ACVR1: variants seen among roughly 807,000 people sequenced by gnomAD.
ACVR1 encodes the protein activin A receptor type 1, also known as activin receptor type-1.
ACVR1 carries 38 observed loss-of-function variants against 57.1 expected under a neutral mutation model. That is an observed-to-expected ratio of 0.67 (90% CI 0.51 to 0.87). The LOEUF (loss-of-function observed/expected upper bound fraction) is 0.87, where lower values mean the gene tolerates loss of function less well. Ranked by LOEUF, ACVR1 falls within the 40% of genes least tolerant of loss-of-function variation. The probability of loss-of-function intolerance (pLI) is 0.00; values close to 1 mark genes in which losing one functional copy is unlikely to be tolerated. For missense variants in ACVR1, 463 were observed against 638.2 expected (o/e 0.73, Z 2.96); for synonymous variants, 212 against 228.1 (o/e 0.93, Z 0.63).
chr2:157,755,846 T>C (rs4635482), intron 9 of ACVR1, among the ~76,000 whole-genome samples: 5,300 of 151,886 alleles, frequency 0.035, 269 homozygotes, highest in African/African-American at 0.12. Flanking sequence ...AAAAAGAGCC[T>C]GCATAGCCAA....
intron 1 of ACVR1, chr2:157,860,193 A>C (rs1689674818): frequency 6.6e-6 from 1 of 152,208 alleles, no homozygotes; most frequent in African/African-American, 2.4e-5. Context: ...AAGAAAATAA[A>C]GCAAATAGTA....
intron 5 of ACVR1, 116 bp downstream of exon 5, chr2:157,778,015 G>T: frequency 1.8e-6 from 2 of 1,093,354 alleles, no homozygotes; most frequent in Non-Finnish European, 2.8e-6. Context: ...GTAACCAACA[G>T]CATGTGTGTA....
At chr2:157,852,390 G>A (rs1030167776) in intron 1 of ACVR1, among the ~76,000 whole-genome samples, 1 of 151,764 alleles carries the variant, frequency 6.6e-6, no homozygotes, top group East Asian at 1.9e-4. Context: ...CCCAGCTATA[G>A]GGAGGCTGAT....
intron 4 of ACVR1, among the ~76,000 whole-genome samples, chr2:157,779,161 CA>C (rs536914530): frequency 0.085 from 12,494 of 146,632 alleles, 1,731 homozygotes; most frequent in African/African-American, 0.29. Context: ...TCCTTAAATT[CA>C]AAAAAAAAAA....
In ACVR1 at chr2:157,778,190, C is replaced by T. The variant is rs201452185; in HGVS notation, c.484G>A (p.Val162Met). The change falls in exon 5 of 11, where the codon GTG becomes ATG. Residue 162 changes from valine (V) to methionine (M), a missense_variant. Transcript: ENST00000434821. ...AGCCCTTCGATAGTGCCATACTCCA[C>T]GTCTCGGGGATTGAGGCGTTCTTGG... ...RNQERLNPRD[V>M]EYGTIEGLIT... The T allele has an allele frequency of 1.1e-4, 178 of 1,613,824 alleles. No homozygotes were observed. The highest frequency in any genetic ancestry group is 1.5e-4 in the Non-Finnish European group (172 of 1,179,966).
At chr2:157,768,603 T>A (rs1685961186) in intron 7 of ACVR1, among the ~76,000 whole-genome samples, 1 of 152,214 alleles carries the variant, frequency 6.6e-6, no homozygotes, top group African/African-American at 2.4e-5. Flanking sequence ...GGAAAAAAAT[T>A]ACTTTTAAAT....
At chr2:157,870,208 A>G (rs1690072110) in intron 1 of ACVR1, among the ~76,000 whole-genome samples, 1 of 152,042 alleles carries the variant, frequency 6.6e-6, no homozygotes, top group South Asian at 2.1e-4. Context: ...CTAATATCCA[A>G]CTTTGCCCAA....
chr2:157,752,423 C>A (rs776213296), intron 9 of ACVR1, among the ~76,000 whole-genome samples: 10 of 152,184 alleles, frequency 6.6e-5, no homozygotes, highest in Non-Finnish European at 1.5e-4. Context: ...CCAAAAATCA[C>A]ACTAGCTCAC....
At chr2:157,868,340 A>T (rs538567910) in intron 1 of ACVR1, among the ~76,000 whole-genome samples, 7 of 151,904 alleles carry the variant, frequency 4.6e-5, no homozygotes, top group African/African-American at 1.7e-4. Context: ...AAAAAAAAAT[A>T]GCTGGGCATG....
At chr2:157,749,391 C>A (rs1343452366) in intron 9 of ACVR1, among the ~76,000 whole-genome samples, 1 of 152,148 alleles carries the variant, frequency 6.6e-6, no homozygotes, top group Non-Finnish European at 1.5e-5. Flanking sequence ...TCAACATAGG[C>A]CATCTATCCA....
chr2:157,747,988 T>C (rs1685037556), intron 9 of ACVR1, among the ~76,000 whole-genome samples: 1 of 152,140 alleles, frequency 6.6e-6, no homozygotes, highest in African/African-American at 2.4e-5. Flanking sequence ...AAGGGAGAGA[T>C]CAATAAATTA....
At chr2:157,757,006 G>GATATATATATATTTGATATATAT (rs1489639876) in intron 9 of ACVR1, among the ~76,000 whole-genome samples, 4 of 129,600 alleles carry the variant, frequency 3.1e-5, no homozygotes, top group African/African-American at 1.3e-4. Flanking sequence ...ATATATTTGA[G>GATATATATATATTTGATATATAT]ATATATATAT....
chr2:157,792,227 T>C (rs1055761770), intron 3 of ACVR1, among the ~76,000 whole-genome samples: 13 of 151,768 alleles, frequency 8.6e-5, no homozygotes, highest in Admixed American at 5.9e-4. Context: ...ACAACTCTCC[T>C]CCCCACATCC....
At chr2:157,859,597 T>C (rs533189071) in intron 1 of ACVR1, among the ~76,000 whole-genome samples, 2 of 152,208 alleles carry the variant, frequency 1.3e-5, no homozygotes, top group South Asian at 4.1e-4. Flanking sequence ...TACCCCCAGA[T>C]TGCCTGCAGT....
At chr2:157,779,723 G>C (rs1686431011) in intron 4 of ACVR1, among the ~76,000 whole-genome samples, 1 of 152,222 alleles carries the variant, frequency 6.6e-6, no homozygotes, top group African/African-American at 2.4e-5. Context: ...TAGGGAAACA[G>C]TTTCAGAGCT....
intron 2 of ACVR1, among the ~76,000 whole-genome samples, chr2:157,813,899 A>G (rs1470435642): frequency 6.6e-6 from 1 of 152,218 alleles, no homozygotes; most frequent in East Asian, 1.9e-4. Flanking sequence ...ATCTAAAAAA[A>G]CCCCACATGA....
At chr2:157,803,841 T>C (rs1336481783) in intron 2 of ACVR1, among the ~76,000 whole-genome samples, 1 of 152,092 alleles carries the variant, frequency 6.6e-6, no homozygotes, top group Non-Finnish European at 1.5e-5. Context: ...ATATTTACAG[T>C]GTTAAAAATT....
intron 2 of ACVR1, among the ~76,000 whole-genome samples, chr2:157,817,810 C>T (rs1687997436): frequency 6.6e-6 from 1 of 151,902 alleles, no homozygotes; most frequent in Non-Finnish European, 1.5e-5. Flanking sequence ...ACCAGCCTGG[C>T]CAATATGGTG....
intron 1 of ACVR1, among the ~76,000 whole-genome samples, chr2:157,822,840 C>T (rs931929689): frequency 5.3e-5 from 8 of 152,160 alleles, no homozygotes; most frequent in Admixed American, 2.0e-4. Context: ...TACTACCTGG[C>T]CCTTTAGAAA....
Sources: gnomAD v4.1 joint callset for allele counts (sites outside exome capture counted in the v4.1 genomes callset) on GRCh38, gnomAD v4.1.1 for gene constraint, MANE v1.5 for transcripts, NCBI Gene and HGNC (gene_info 2026-07-23, HGNC 2026-07-21) for gene names.